The following DLG2 variants were observed in gnomAD, a reference collection of about 807,000 sequenced individuals.
The protein encoded by DLG2 is disks large homolog 2.
A neutral mutation model predicts 132.5 loss-of-function variants in DLG2; 45 were observed. The ratio of observed to expected loss-of-function variants is 0.34; its 90% CI spans 0.27 to 0.44. The LOEUF (loss-of-function observed/expected upper bound fraction) is 0.44. DLG2 is among the 20% of genes least tolerant of loss of function. The pLI is 1.00. For missense variants in DLG2, 1,045 were observed against 1,196.9 expected (o/e 0.87, Z 1.87); for synonymous variants, 424 against 419.6 (o/e 1.01, Z -0.13).
At chr11:84,802,062 T>A (rs1013531874) in intron 6 of DLG2, among the ~76,000 whole-genome samples, 1 of 151,080 alleles carries the variant, frequency 6.6e-6, no homozygotes, top group Non-Finnish European at 1.5e-5. Flanking sequence ...GATCATTTAA[T>A]GTTTTAGGGA....
At chr11:85,258,905 T>C (rs1366742599) in intron 4 of DLG2, among the ~76,000 whole-genome samples, 1 of 152,240 alleles carries the variant, frequency 6.6e-6, no homozygotes, top group Non-Finnish European at 1.5e-5. Context: ...TTTATCTACA[T>C]TTAATCTCAT....
intron 4 of DLG2, among the ~76,000 whole-genome samples, chr11:85,241,599 A>C (rs1037159385): frequency 1.3e-5 from 2 of 151,964 alleles, no homozygotes; most frequent in Admixed American, 1.3e-4. Context: ...GCTGGATATA[A>C]AATTCAAAGT....
At chr11:83,941,926 C>G (rs1419940318) in intron 14 of DLG2, among the ~76,000 whole-genome samples, 1 of 152,156 alleles carries the variant, frequency 6.6e-6, no homozygotes, top group Non-Finnish European at 1.5e-5. Flanking sequence ...GTACACATGG[C>G]ACCGGCTACC....
intron 6 of DLG2, among the ~76,000 whole-genome samples, chr11:85,011,926 T>G (rs2059174615): frequency 6.6e-6 from 1 of 152,168 alleles, no homozygotes; most frequent in Non-Finnish European, 1.5e-5. Context: ...AGTATGCTTT[T>G]TACTATTCTA....
At chr11:85,385,783 G>T (rs1214453583) in intron 3 of DLG2, among the ~76,000 whole-genome samples, 7 of 152,132 alleles carry the variant, frequency 4.6e-5, no homozygotes, top group Middle Eastern at 3.2e-3. Context: ...GAAACAACAG[G>T]TGCTCTGAAC....
At chr11:83,644,910 C>T (rs1591597631) in intron 18 of DLG2, among the ~76,000 whole-genome samples, 2 of 152,024 alleles carry the variant, frequency 1.3e-5, no homozygotes, top group East Asian at 3.9e-4. Flanking sequence ...TAAATTTGAC[C>T]TCTAAAACAA....
chr11:84,423,378 A>G (rs990321136), intron 7 of DLG2, among the ~76,000 whole-genome samples: 5 of 152,194 alleles, frequency 3.3e-5, no homozygotes, highest in Non-Finnish European at 5.9e-5. Context: ...AACTGTGTCC[A>G]TGTCATGCCT....
chr11:84,160,485 C>G (rs949675542), intron 9 of DLG2, among the ~76,000 whole-genome samples: 20 of 151,848 alleles, frequency 1.3e-4, no homozygotes, highest in South Asian at 4.2e-4. Context: ...GAACATGAAA[C>G]AGGTTAAAAT....
chr11:84,676,267 G>T (rs1309301618), intron 6 of DLG2, among the ~76,000 whole-genome samples: 1 of 152,062 alleles, frequency 6.6e-6, no homozygotes, highest in Non-Finnish European at 1.5e-5. Context: ...GAATACTTCA[G>T]ATAGAAAGTC....
intron 3 of DLG2, among the ~76,000 whole-genome samples, chr11:85,548,440 T>G (rs754297344): frequency 4.6e-5 from 7 of 152,076 alleles, no homozygotes; most frequent in Non-Finnish European, 8.8e-5. Flanking sequence ...TACTGGGAGG[T>G]GTCTCCCAGT....
At chr11:84,860,965 T>C (rs1266037882) in intron 6 of DLG2, among the ~76,000 whole-genome samples, 2 of 152,078 alleles carry the variant, frequency 1.3e-5, no homozygotes, top group African/African-American at 4.8e-5. Flanking sequence ...CAGTAAATAT[T>C]TACTGAACAT....
chr11:84,200,326 T>C (rs886166097), intron 8 of DLG2, among the ~76,000 whole-genome samples: 1 of 152,118 alleles, frequency 6.6e-6, no homozygotes, highest in Non-Finnish European at 1.5e-5. Context: ...TAATAGCAGT[T>C]GGAATTTCAG....
At chr11:85,225,286 A>G (rs1433261913) in intron 4 of DLG2, among the ~76,000 whole-genome samples, 1 of 152,074 alleles carries the variant, frequency 6.6e-6, no homozygotes, top group Non-Finnish European at 1.5e-5. Flanking sequence ...CCTAGACCCT[A>G]AAGTGGCTAT....
chr11:85,598,761 T>C lies in DLG2; in HGVS notation c.-65A>G. The stretch of plus-strand genomic sequence containing the variant: ...TTTCCTTAATTTTTTGCAGTATTCT[T>C]CCAGTAATGATAAAGCTCGGTCAGT... On this transcript the variant is annotated 5_prime_UTR_variant, in exon 3 of 28. Transcript: ENST00000376104. 1 of 1,358,374 alleles carries C rather than the reference T, an allele frequency of 7.4e-7. No individual in the cohort carries two copies. The highest frequency in any genetic ancestry group is 1.4e-5 in the South Asian group (1 of 71,434). The allele number at this position is 1,358,374 out of a possible 1,614,324, so 84.1% of individuals were successfully genotyped here.
intron 6 of DLG2, among the ~76,000 whole-genome samples, chr11:85,067,185 G>A (rs779184757): frequency 6.6e-6 from 1 of 151,792 alleles, no homozygotes; most frequent in Non-Finnish European, 1.5e-5. Context: ...GGGATCAGTG[G>A]TGATATTCCC....
intron 3 of DLG2, among the ~76,000 whole-genome samples, chr11:85,458,818 C>G (rs2092507221): frequency 6.6e-6 from 1 of 152,190 alleles, no homozygotes; most frequent in South Asian, 2.1e-4. Flanking sequence ...TGCTTCTTCT[C>G]AGTGCTTTGA....
chr11:83,746,144 T>C (rs2092895114), intron 18 of DLG2, among the ~76,000 whole-genome samples: 2 of 152,194 alleles, frequency 1.3e-5, no homozygotes, highest in Admixed American at 1.3e-4. Flanking sequence ...ATAAACTAGT[T>C]CAACCATTGT....
chr11:84,134,664 T>A (rs2094536109), intron 9 of DLG2, among the ~76,000 whole-genome samples: 1 of 151,184 alleles, frequency 6.6e-6, no homozygotes, highest in South Asian at 2.1e-4. Flanking sequence ...TCACATGTAG[T>A]CTTGTCTCAA....
chr11:83,597,218 G>C (rs923971243), intron 19 of DLG2, among the ~76,000 whole-genome samples: 2 of 152,162 alleles, frequency 1.3e-5, no homozygotes, highest in African/African-American at 4.8e-5. Context: ...TCATGAGCGG[G>C]ATCAAGAGAC....
Sources: allele counts gnomAD v4.1 joint callset (sites outside exome capture counted in the v4.1 genomes callset), GRCh38; gene constraint gnomAD v4.1.1; transcripts MANE v1.5; gene names NCBI Gene and HGNC (gene_info 2026-07-23, HGNC 2026-07-21).